The following HUNK variants were observed in gnomAD, a reference collection of about 807,000 sequenced individuals.
HUNK encodes hormonally up-regulated neu tumor-associated kinase.
A neutral mutation model predicts 61.0 loss-of-function variants in HUNK; 21 were observed. That is an observed-to-expected ratio of 0.34 (90% CI 0.24 to 0.50). HUNK has a LOEUF of 0.50. HUNK is among the 20% of genes least tolerant of loss of function. The pLI, the probability that HUNK is intolerant of heterozygous loss-of-function variation, is 0.98. For missense variants in HUNK, 772 were observed against 945.7 expected, an observed-to-expected ratio of 0.82 and a Z score of 2.41; for synonymous variants, 371 against 386.1, an observed-to-expected ratio of 0.96 and a Z score of 0.46.
Position 31,891,134 on chromosome 21 carries a change from T to C in HUNK, c.261+17199T>C, listed in dbSNP as rs1483296712. Among the ~76,000 whole-genome samples the C allele has an allele frequency of 2.2e-4, 33 of 152,192 alleles. 1 individual carries two copies. The highest frequency in any genetic ancestry group is 5.9e-5 in the Non-Finnish European group (4 of 68,032). ...GCTCATGCCTGTAATCCCAGCACTT[T>C]GGGAGGCCGAGGTGGGTGGATCACT... is the stretch of plus-strand genomic sequence containing the variant. On this transcript the variant is annotated intron_variant, in intron 1 of 10. Transcript: ENST00000270112.
intron 7 of HUNK, among the ~76,000 whole-genome samples, chr21:31,981,568 T>G (rs2123241759): frequency 6.6e-6 from 1 of 152,292 alleles, no homozygotes; most frequent in Admixed American, 6.5e-5. Context: ...TGTACAGATC[T>G]TTCACTTCCT....
intron 1 of HUNK, among the ~76,000 whole-genome samples, chr21:31,898,454 A>G (rs9978723): frequency 0.13 from 19,961 of 151,952 alleles, 1,542 homozygotes; most frequent in East Asian, 0.36. Flanking sequence ...TTTAGTAGAG[A>G]CAGGGTTTCA....
At chr21:31,988,117 C>T (rs1277066037) in intron 8 of HUNK, among the ~76,000 whole-genome samples, 1 of 152,334 alleles carries the variant, frequency 6.6e-6, no homozygotes, top group African/African-American at 2.4e-5. Flanking sequence ...TTACCATTTT[C>T]TCTACCTCTT....
chr21:31,992,169 A>G (rs1157387589), intron 9 of HUNK, among the ~76,000 whole-genome samples: 1 of 152,158 alleles, frequency 6.6e-6, no homozygotes, highest in Admixed American at 6.5e-5. Flanking sequence ...TCTTTGGAAC[A>G]CAGAAGCCTG....
At chr21:31,996,047 G>A (rs1180401707) in intron 10 of HUNK, 99 bp downstream of exon 10, 34 of 872,040 alleles carry the variant, frequency 3.9e-5, no homozygotes, top group Non-Finnish European at 5.8e-5. Flanking sequence ...CTAGAGCAGA[G>A]ATGATTCCTG....
chr21:31,963,240 C>T (rs1422308696), intron 5 of HUNK, among the ~76,000 whole-genome samples: 1 of 152,118 alleles, frequency 6.6e-6, no homozygotes, highest in East Asian at 1.9e-4. Context: ...CCCTGTTTAC[C>T]AGTGAGGAAA....
intron 1 of HUNK, among the ~76,000 whole-genome samples, chr21:31,882,069 C>T (rs1186480908): frequency 6.6e-6 from 1 of 152,064 alleles, no homozygotes; most frequent in Admixed American, 6.6e-5. Flanking sequence ...AGAGACCCCC[C>T]CTCCCCCATC....
intron 1 of HUNK, among the ~76,000 whole-genome samples, chr21:31,889,084 T>C (rs1248663920): frequency 6.6e-6 from 1 of 152,110 alleles, no homozygotes; most frequent in African/African-American, 2.4e-5. Flanking sequence ...TGGAAGTGCA[T>C]TCTTACGTCA....
chr21:31,890,685 G>A (rs540713509), intron 1 of HUNK, among the ~76,000 whole-genome samples: 6 of 152,242 alleles, frequency 3.9e-5, no homozygotes, highest in Non-Finnish European at 8.8e-5. Context: ...ATCCTTGTAT[G>A]TTCATCTCTG....
intron 1 of HUNK, among the ~76,000 whole-genome samples, chr21:31,891,516 A>G (rs75223315): frequency 2.0e-5 from 3 of 152,376 alleles, no homozygotes; most frequent in Non-Finnish European, 2.9e-5. Flanking sequence ...ATACTGTTAA[A>G]TGTATTATTG....
chr21:31,947,058 G>GCGCCTGCACATTCCCACATCCCATT (rs2052809405), intron 4 of HUNK, among the ~76,000 whole-genome samples: 1 of 108,628 alleles, frequency 9.2e-6, no homozygotes, highest in Admixed American at 9.3e-5. Flanking sequence ...CACATCCCAG[G>GCGCCTGCACATTCCCACATCCCATT]CTCAAGCCAG....
chr21:31,968,548 G>A (rs1352382018), intron 6 of HUNK, among the ~76,000 whole-genome samples, 163 bp downstream of exon 6: 1 of 152,170 alleles, frequency 6.6e-6, no homozygotes, highest in African/African-American at 2.4e-5. Context: ...ATCCACAAGA[G>A]GAAGCGTAGA....
intron 4 of HUNK, among the ~76,000 whole-genome samples, chr21:31,957,116 A>C (rs1033349766): frequency 2.0e-5 from 3 of 152,156 alleles, no homozygotes; most frequent in African/African-American, 7.2e-5. Context: ...CTTGTGGTCA[A>C]AAGTGGTGCA....
intron 7 of HUNK, among the ~76,000 whole-genome samples, chr21:31,976,187 G>A (rs1033132338): frequency 9.9e-5 from 15 of 152,198 alleles, no homozygotes; most frequent in Non-Finnish European, 2.1e-4. Flanking sequence ...TGGGGACAGA[G>A]TCAACGCTTT....
rs906421051 is a variant in HUNK, at chr21:31,924,852, G to A, written c.554+92G>A. 4.2e-6 allele frequency: 4 copies of A among 962,788 alleles called. No individual in the cohort carries two copies. Among genetic ancestry groups the A allele is most frequent in the African/African-American group, 3.3e-5 (2 of 60,888 alleles). 59.6% of individuals were successfully genotyped at this position (962,788 alleles called of 1,614,324 possible). A position where few individuals can be genotyped will look rare whatever the true frequency, so the allele number is the denominator to read the frequency against. On this transcript the variant is annotated intron_variant, in intron 2 of 10. Transcript: ENST00000270112. The surrounding 1 kb of genome is among the most constrained non-coding windows in gnomAD (Gnocchi z 5.1). ...CCTCTGAGCCTCTGAGAAAGGCTGA[G>A]CAATTGCAGCCTGTTTTACAATTTG...
chr21:31,979,176 C>T (rs557486317), intron 7 of HUNK, among the ~76,000 whole-genome samples: 1 of 148,902 alleles, frequency 6.7e-6, no homozygotes, highest in South Asian at 2.1e-4. Context: ...GATCTCGGCT[C>T]ACTGCAACCT....
intron 9 of HUNK, among the ~76,000 whole-genome samples, chr21:31,993,096 TG>T (rs986992244): frequency 1.3e-5 from 2 of 152,174 alleles, no homozygotes; most frequent in African/African-American, 4.8e-5. Context: ...ATTTTCTGTC[TG>T]GGGGTGCATT....
intron 1 of HUNK, among the ~76,000 whole-genome samples, chr21:31,878,102 TG>T (rs763863861): frequency 8.6e-5 from 13 of 150,456 alleles, no homozygotes; most frequent in Admixed American, 2.6e-4. Context: ...CTAATAAAAA[TG>T]CAAAAATTAG....
At position 31,983,620 on chromosome 21, in the gene HUNK, C is replaced by A; in HGVS notation, c.1257+11C>A. On this transcript the variant is annotated intron_variant, in intron 8 of 10. Coordinates refer to ENST00000270112, the MANE Select transcript of HUNK (RefSeq NM_014586.2). ...AAGGAGTCCTATGAGGTGAGTGACC[C>A]CTGAAGCAAACCTCAGGGTCTCTTA... 1.3e-6 allele frequency: 2 copies of A among 1,593,022 alleles called. No homozygotes were observed. The highest frequency in any genetic ancestry group is 1.7e-6 in the Non-Finnish European group (2 of 1,162,200).
Sources: gnomAD v4.1 joint callset for allele counts (sites outside exome capture counted in the v4.1 genomes callset) on GRCh38, gnomAD v4.1.1 for gene constraint, Gnocchi (gnomAD v3.1) non-coding constraint, MANE v1.5 for transcripts, NCBI Gene and HGNC (gene_info 2026-07-23, HGNC 2026-07-21) for gene names.